Variants in ADCK1 observed in about 807,000 individuals in gnomAD.
ADCK1 encodes aarF domain containing kinase 1.
A neutral mutation model predicts 52.3 loss-of-function variants in ADCK1; 41 were observed. That is an observed-to-expected ratio of 0.78 (90% CI 0.61 to 1.02). ADCK1 has a LOEUF of 1.02. Among genes scored for constraint, ADCK1 ranks in the 50% least tolerant of loss-of-function variants. The pLI is 0.00. For missense variants in ADCK1, 658 were observed against 679.5 expected (o/e 0.97, Z 0.35); for synonymous variants, 250 against 274.6 (o/e 0.91, Z 0.89).
At chr14:77,922,299 GC>G (rs551521003) in intron 7 of ADCK1, among the ~76,000 whole-genome samples, 19 of 152,318 alleles carry the variant, frequency 1.2e-4, no homozygotes, top group African/African-American at 4.6e-4. Context: ...TTGACCTGGG[GC>G]AAAGTCCTGC....
intron 7 of ADCK1, among the ~76,000 whole-genome samples, chr14:77,921,740 A>G (rs993422047): frequency 1.3e-5 from 2 of 152,162 alleles, no homozygotes; most frequent in Non-Finnish European, 2.9e-5. Flanking sequence ...TCATGTGGAT[A>G]TGAGCAGCAA....
chr14:77,852,682 TATATA>T (rs1566667354), intron 3 of ADCK1, among the ~76,000 whole-genome samples: 3 of 78,270 alleles, frequency 3.8e-5, no homozygotes, highest in African/African-American at 1.2e-4. Context: ...TATATATATA[TATATA>T]TATATATATA....
chr14:77,928,649 A>G (rs561271418), intron 9 of ADCK1, among the ~76,000 whole-genome samples: 39 of 152,146 alleles, frequency 2.6e-4, no homozygotes, highest in Non-Finnish European at 5.0e-4. Flanking sequence ...TTTAGTAGAG[A>G]TGGGGTTTCG....
intron 3 of ADCK1, among the ~76,000 whole-genome samples, chr14:77,845,690 G>A (rs1468738119): frequency 6.6e-6 from 1 of 152,098 alleles, no homozygotes; most frequent in African/African-American, 2.4e-5. Context: ...CTCTCAAAGT[G>A]CTGGGATTAC....
chr14:77,805,199 T>A (rs1294475263), intron 1 of ADCK1, among the ~76,000 whole-genome samples: 1 of 129,906 alleles, frequency 7.7e-6, no homozygotes, highest in Non-Finnish European at 1.6e-5. Flanking sequence ...AGAGTGAGAC[T>A]CTGTCTCATT....
chr14:77,855,287 C>A (rs2082394401), intron 3 of ADCK1, among the ~76,000 whole-genome samples: 1 of 152,228 alleles, frequency 6.6e-6, no homozygotes, highest in South Asian at 2.1e-4. Flanking sequence ...GAAACACTAG[C>A]CCTGGCTAAA....
intron 7 of ADCK1, among the ~76,000 whole-genome samples, chr14:77,919,382 C>T (rs934728981): frequency 6.6e-6 from 1 of 152,232 alleles, no homozygotes; most frequent in Non-Finnish European, 1.5e-5. Flanking sequence ...GAATAATGGT[C>T]TCCAATTCCA....
intron 4 of ADCK1, among the ~76,000 whole-genome samples, chr14:77,863,687 A>C (rs529916660): frequency 6.6e-6 from 1 of 152,180 alleles, no homozygotes; most frequent in African/African-American, 2.4e-5. Context: ...AAATAGAAAA[A>C]TTAGCTGGGT....
chr14:77,897,715 T>C (rs2083441815), intron 5 of ADCK1, among the ~76,000 whole-genome samples: 1 of 152,194 alleles, frequency 6.6e-6, no homozygotes. Flanking sequence ...ATTTTAGACG[T>C]ACAGAAAGTA....
In ADCK1 at chr14:77,859,114, C is replaced by T. The variant is rs773835223; in HGVS notation, c.258C>T (p.Cys86=). The change falls in exon 4 of 11, where the codon TGC becomes TGT. Residue 86 remains cysteine (C), a synonymous_variant. Transcript: ENST00000238561. ...CTGCCAGGCGTCTCTGTGAGCTCTG[C>T]TGTGCCAACCGGGGCACCTTCATCA... ...LRSARRLCEL[C]CANRGTFIKV... is the part of the protein sequence containing the mutation. 1.5e-5 allele frequency: 24 copies of T among 1,612,154 alleles called. No homozygotes were observed. The African/African-American group carries it at 2.7e-4, about 18-fold the overall frequency.
intron 4 of ADCK1, among the ~76,000 whole-genome samples, chr14:77,876,738 C>A (rs1474780561): frequency 6.6e-6 from 1 of 152,200 alleles, no homozygotes; most frequent in East Asian, 1.9e-4. Context: ...GCTCTGCTTG[C>A]TGAACTGAGC....
At position 77,930,474 on chromosome 14, in the gene ADCK1, C is replaced by G. The variant is rs139940832; in HGVS notation, c.1207-1044C>G. Among the ~76,000 whole-genome samples, 687 of 152,164 alleles carry G rather than the reference C, an allele frequency of 4.5e-3. 9 individuals are homozygous for G. Among genetic ancestry groups the G allele is most frequent in the African/African-American group, 0.015 (641 of 41,514 alleles). On this transcript the variant is annotated intron_variant, in intron 9 of 10. Transcript: ENST00000238561. ...GCGGGCACAGAGGGTATTGGCATTC[C>G]CAATTTTTGGGTGAGGACACTAAGT...
chr14:77,856,527 T>C lies in ADCK1; in HGVS notation c.220-2549T>C, dbSNP rs144585563. ...TCCCATGGATTCAGTGTGACATTGA[T>C]ACCTTTCTGCCTAGCTTGGGGACTA... On this transcript the variant is annotated intron_variant, in intron 3 of 10. Transcript: ENST00000238561. Among the ~76,000 whole-genome samples, 10 of 152,222 alleles carry C rather than the reference T, an allele frequency of 6.6e-5. No homozygotes were observed. The East Asian group carries it at 1.6e-3, about 24-fold the overall frequency.
intron 5 of ADCK1, among the ~76,000 whole-genome samples, chr14:77,895,984 C>A (rs1237734028): frequency 6.6e-6 from 1 of 152,110 alleles, no homozygotes; most frequent in Non-Finnish European, 1.5e-5. Context: ...GACCCACAAC[C>A]CACAGGATGC....
At chr14:77,803,734 G>A (rs1019363235) in intron 1 of ADCK1, among the ~76,000 whole-genome samples, 1 of 152,198 alleles carries the variant, frequency 6.6e-6, no homozygotes, top group Non-Finnish European at 1.5e-5. Flanking sequence ...GCTCCAAACA[G>A]TGCCTCCCAC....
At chr14:77,901,477 C>T (rs1284909456) in intron 6 of ADCK1, among the ~76,000 whole-genome samples, 3 of 151,920 alleles carry the variant, frequency 2.0e-5, no homozygotes, top group Non-Finnish European at 2.9e-5. Context: ...GCAACCTCCA[C>T]CTCCCGGGTT....
At chr14:77,911,753 A>G (rs1244699950) in intron 7 of ADCK1, among the ~76,000 whole-genome samples, 1 of 146,050 alleles carries the variant, frequency 6.8e-6, no homozygotes, top group East Asian at 2.0e-4. Context: ...TTTTTAAACC[A>G]TTAATGTTTA....
chr14:77,930,160 A>T (rs2084294385), intron 9 of ADCK1, among the ~76,000 whole-genome samples: 1 of 152,092 alleles, frequency 6.6e-6, no homozygotes, highest in South Asian at 2.1e-4. Context: ...TGTGGTGAGC[A>T]GGGGACTTGT....
At position 77,907,871 on chromosome 14, in the gene ADCK1, G is replaced by A. The variant is rs1029255623; in HGVS notation, c.810G>A (p.Gln270=). 1.2e-6 allele frequency: 2 copies of A among 1,614,042 alleles called. No homozygotes were observed. The highest frequency in any genetic ancestry group is 1.7e-5 in the Admixed American group (1 of 60,012). ...VLLMEFVDGG[Q]VNDRDYMERN... ...TGATGGAGTTTGTGGATGGCGGGCAGGTCAATGACAGAGACTACATGGAGA... is the reference window on the plus strand; with the variant it reads ...TGATGGAGTTTGTGGATGGCGGGCAAGTCAATGACAGAGACTACATGGAGA... The change falls in exon 7 of 11, where the codon CAG becomes CAA. Residue 270 remains glutamine, a synonymous_variant. Coordinates refer to ENST00000238561, the MANE Select transcript of ADCK1 (RefSeq NM_020421.4).
Sources: gnomAD v4.1 joint callset for allele counts (sites outside exome capture counted in the v4.1 genomes callset) on GRCh38, gnomAD v4.1.1 for gene constraint, MANE v1.5 for transcripts, NCBI Gene and HGNC (gene_info 2026-07-23, HGNC 2026-07-21) for gene names.